The following SORCS1 variants were observed in gnomAD, a reference collection of about 807,000 sequenced individuals.
SORCS1 encodes VPS10 domain-containing receptor SorCS1.
SORCS1 carries 60 observed loss-of-function variants against 146.1 expected under a neutral mutation model. That is an observed-to-expected ratio of 0.41 (90% CI 0.33 to 0.51). SORCS1 has a LOEUF of 0.51. SORCS1 is among the 20% of genes least tolerant of loss of function. The probability of loss-of-function intolerance (pLI) is 0.21; values close to 1 mark genes in which losing one functional copy is unlikely to be tolerated. For missense variants in SORCS1, 1,352 were observed against 1,487.6 expected (o/e 0.91, Z 1.50); for synonymous variants, 637 against 584.0 (o/e 1.09, Z -1.31).
chr10:106,883,709 G>A (rs111496918), intron 2 of SORCS1, among the ~76,000 whole-genome samples: 29 of 152,258 alleles, frequency 1.9e-4, no homozygotes, highest in Admixed American at 3.9e-4. Flanking sequence ...CACCACGCCC[G>A]GCCTTCAAAT....
chr10:106,656,744 T>C (rs935094969), intron 17 of SORCS1, among the ~76,000 whole-genome samples: 4 of 152,030 alleles, frequency 2.6e-5, no homozygotes, highest in African/African-American at 9.7e-5. Context: ...AGTAGCTTAG[T>C]AGCTTAGTAG....
chr10:106,951,059 G>A (rs774094604), intron 2 of SORCS1, among the ~76,000 whole-genome samples: 10 of 152,166 alleles, frequency 6.6e-5, no homozygotes, highest in African/African-American at 2.2e-4. Context: ...ACTTATGGTT[G>A]TGTGAAAGTC....
At chr10:106,681,479 T>C (rs1017042756) in intron 10 of SORCS1, among the ~76,000 whole-genome samples, 2 of 152,202 alleles carry the variant, frequency 1.3e-5, no homozygotes, top group African/African-American at 4.8e-5. Context: ...AGATAATAAA[T>C]AGAAGCTTGC....
intron 2 of SORCS1, among the ~76,000 whole-genome samples, chr10:106,920,682 G>A (rs868493862): frequency 1.3e-5 from 2 of 152,200 alleles, no homozygotes; most frequent in South Asian, 4.1e-4. Context: ...CGTGTAGGAA[G>A]TGAGGGCTGT....
At chr10:106,806,781 C>T (rs1199865091) in intron 3 of SORCS1, among the ~76,000 whole-genome samples, 2 of 151,858 alleles carry the variant, frequency 1.3e-5, no homozygotes, top group East Asian at 3.9e-4. Context: ...TCCTGGAGTG[C>T]TGGGATTACA....
At chr10:106,944,871 CTTCT>C (rs1954236830) in intron 2 of SORCS1, among the ~76,000 whole-genome samples, 3 of 61,024 alleles carry the variant, frequency 4.9e-5, no homozygotes, top group East Asian at 3.9e-4. Flanking sequence ...AAGAAAGAGC[CTTCT>C]TTTTTTTTTT....
At chr10:106,818,497 C>T (rs1416698227) in intron 3 of SORCS1, among the ~76,000 whole-genome samples, 2 of 151,896 alleles carry the variant, frequency 1.3e-5, no homozygotes, top group Non-Finnish European at 2.9e-5. Context: ...TCCCGAGTAG[C>T]TTGGACTACA....
intron 1 of SORCS1, among the ~76,000 whole-genome samples, chr10:107,024,969 G>T (rs1205761208): frequency 5.3e-5 from 8 of 152,174 alleles, no homozygotes; most frequent in Non-Finnish European, 1.2e-4. Context: ...TAACTAGCTG[G>T]CTTGGGGCTA....
chr10:106,920,612 G>A (rs914029973), intron 2 of SORCS1, among the ~76,000 whole-genome samples: 5 of 152,132 alleles, frequency 3.3e-5, no homozygotes, highest in Non-Finnish European at 5.9e-5. Flanking sequence ...TCTTTAATGA[G>A]CCTAATGGAG....
At chr10:106,701,683 G>A (rs562356782) in intron 8 of SORCS1, among the ~76,000 whole-genome samples, 2 of 152,310 alleles carry the variant, frequency 1.3e-5, no homozygotes, top group South Asian at 4.1e-4. Context: ...AGACTTTTCA[G>A]TTAAAGAAGA....
chr10:106,858,481 G>T (rs538600665), intron 2 of SORCS1, among the ~76,000 whole-genome samples: 1 of 152,064 alleles, frequency 6.6e-6, no homozygotes, highest in African/African-American at 2.4e-5. Context: ...TTAGCTGGGT[G>T]TGGTGGCAGG....
At chr10:106,977,628 GT>G (rs1371331742) in intron 1 of SORCS1, among the ~76,000 whole-genome samples, 1 of 125,074 alleles carries the variant, frequency 8.0e-6, no homozygotes, top group East Asian at 2.2e-4. Context: ...GCTGAATTTT[GT>G]TTTGTTTTTA....
chr10:106,750,757 A>G (rs1344000111), intron 5 of SORCS1, among the ~76,000 whole-genome samples: 31 of 132,360 alleles, frequency 2.3e-4, no homozygotes, highest in African/African-American at 7.6e-4. Context: ...AAAAAAAAAA[A>G]AAAAGAAAAG....
chr10:106,634,573 A>G (rs1848623305), intron 18 of SORCS1, among the ~76,000 whole-genome samples: 1 of 152,172 alleles, frequency 6.6e-6, no homozygotes, highest in Non-Finnish European at 1.5e-5. Context: ...TTTAATTGAA[A>G]TTACTCGCAA....
chr10:107,103,140 CTT>C (rs1170291262), intron 1 of SORCS1, among the ~76,000 whole-genome samples: 2 of 152,168 alleles, frequency 1.3e-5, no homozygotes, highest in East Asian at 1.9e-4. Flanking sequence ...AATTATTACT[CTT>C]TGACATAGTT....
chr10:106,592,777 CTT>C lies in SORCS1; in HGVS notation c.3265+4572_3265+4573del, dbSNP rs568910860. ...TCTAATACTCCTCCCCACTGTTTCT[CTT>C]TTTTTTTTTTTTCAGGCTTCCTTCT... On this transcript the variant is annotated intron_variant, in intron 24 of 25. Transcript: ENST00000263054. 4.5e-3 allele frequency among the ~76,000 whole-genome samples: 643 copies of C among 141,350 alleles called. 6 individuals carry two copies. Among genetic ancestry groups the C allele is most frequent in the African/African-American group, 0.015 (602 of 38,878 alleles). 92.7% of individuals were successfully genotyped at this position (141,350 alleles called of 152,430 possible).
chr10:107,072,900 A>G (rs1962561258), intron 1 of SORCS1, among the ~76,000 whole-genome samples: 2 of 152,124 alleles, frequency 1.3e-5, no homozygotes, highest in Admixed American at 6.6e-5. Flanking sequence ...CCTTCTAAAA[A>G]GGCCACTTTC....
At position 106,744,427 on chromosome 10, in the gene SORCS1, T is replaced by G. The variant is rs766196254; in HGVS notation, c.960-14313A>C. Among the ~76,000 whole-genome samples, 3 of 152,302 alleles carry G rather than the reference T, an allele frequency of 2.0e-5. No homozygotes were observed. The South Asian group carries it at 6.2e-4, about 32-fold the overall frequency. On this transcript the variant is annotated intron_variant, in intron 5 of 25. Coordinates refer to ENST00000263054, the MANE Select transcript of SORCS1 (RefSeq NM_052918.5). ...GCCATCATGTTACTTTTAGACATGA[T>G]GCTGCACTGATGATCTTTGTAGGTA...
intron 3 of SORCS1, among the ~76,000 whole-genome samples, chr10:106,807,838 T>C (rs1947261811): frequency 6.6e-6 from 1 of 152,218 alleles, no homozygotes; most frequent in Non-Finnish European, 1.5e-5. Context: ...CAGCCTCCTT[T>C]GTTGTCTGCA....
Sources: allele counts gnomAD v4.1 joint callset (sites outside exome capture counted in the v4.1 genomes callset), GRCh38; gene constraint gnomAD v4.1.1; transcripts MANE v1.5; gene names NCBI Gene and HGNC (gene_info 2026-07-23, HGNC 2026-07-21).